NTRK2: variants seen among roughly 807,000 people sequenced by gnomAD.
The protein encoded by NTRK2 is neurotrophic receptor tyrosine kinase 2, also known as BDNF/NT-3 growth factors receptor.
In NTRK2, 13 loss-of-function variants were observed where a neutral mutation model predicts 94.5. The observed-to-expected ratio is 0.14, with a 90% confidence interval of 0.09 to 0.22. NTRK2 has a LOEUF of 0.22. Ranked by LOEUF, NTRK2 falls within the 10% of genes least tolerant of loss-of-function variation. The probability of loss-of-function intolerance (pLI) is 1.00; values close to 1 mark genes in which losing one functional copy is unlikely to be tolerated. For missense variants in NTRK2, 639 were observed against 1,071.2 expected (o/e 0.60, Z 5.63); for synonymous variants, 372 against 407.4 (o/e 0.91, Z 1.05).
intron 14 of NTRK2, among the ~76,000 whole-genome samples, chr9:84,881,131 T>C (rs148572089): frequency 6.6e-6 from 1 of 152,258 alleles, no homozygotes; most frequent in African/African-American, 2.4e-5. Context: ...ATTTGATGAG[T>C]CCTTTGCTTT....
chr9:84,831,917 G>A (rs2073572432), intron 12 of NTRK2, among the ~76,000 whole-genome samples: 2 of 152,176 alleles, frequency 1.3e-5, no homozygotes, highest in South Asian at 4.1e-4. Flanking sequence ...AGATATTTTA[G>A]CTCAGACGGA....
chr9:84,914,071 G>A (rs1161323889), intron 14 of NTRK2, among the ~76,000 whole-genome samples: 4 of 151,696 alleles, frequency 2.6e-5, no homozygotes, highest in African/African-American at 4.8e-5. Flanking sequence ...CTCTTTATTC[G>A]GTAGTTGAAC....
chr9:84,955,161 C>T, intron 16 of NTRK2, 122 bp from the exon 17 acceptor site: 1 of 787,826 alleles, frequency 1.3e-6, no homozygotes. Flanking sequence ...CATCTTTTAG[C>T]ACCAGCAGCT....
At chr9:84,730,736 G>A (rs1243896957) in intron 9 of NTRK2, among the ~76,000 whole-genome samples, 1 of 15,362 alleles carries the variant, frequency 6.5e-5, no homozygotes, top group Non-Finnish European at 1.1e-4. Context: ...GCGAGACTCC[G>A]TCTCAAAAAA....
chr9:85,011,329 C>T (rs1288580372), intron 17 of NTRK2, among the ~76,000 whole-genome samples: 1 of 152,080 alleles, frequency 6.6e-6, no homozygotes, highest in African/African-American at 2.4e-5. Context: ...CTGAACTGTG[C>T]CAGAATCAGA....
In NTRK2 at chr9:85,019,453, T is replaced by C. The variant is rs555075233; in HGVS notation, c.2173-753T>C. Among the ~76,000 whole-genome samples the C allele has an allele frequency of 5.9e-4, 90 of 152,348 alleles. 3 individuals carry two copies. In the South Asian group the frequency reaches 0.018, roughly 31 times the overall value. ...TTCCTCCATGAAGTAGGAAGTCATA[T>C]ACAATTTTACTTTGTCAAAGAAAGT... On this transcript the variant is annotated intron_variant, in intron 17 of 18. Coordinates refer to ENST00000277120, the MANE Select transcript of NTRK2 (RefSeq NM_006180.6).
At chr9:84,771,915 G>A (rs2066586784) in intron 12 of NTRK2, among the ~76,000 whole-genome samples, 1 of 152,210 alleles carries the variant, frequency 6.6e-6, no homozygotes, top group South Asian at 2.1e-4. Flanking sequence ...AATCTGAAAT[G>A]GTAAAGAGTA....
chr9:84,813,989 TACAA>T (rs2072101309), intron 12 of NTRK2: 3 of 1,065,130 alleles, frequency 2.8e-6, no homozygotes, highest in South Asian at 9.1e-5. Context: ...ACGACAAAAG[TACAA>T]ACAGTCTGAG....
chr9:84,862,700 C>A (rs2075390697), intron 13 of NTRK2, among the ~76,000 whole-genome samples: 2 of 152,208 alleles, frequency 1.3e-5, no homozygotes, highest in East Asian at 3.9e-4. Flanking sequence ...AAGGGGCACA[C>A]CATGGCATGC....
chr9:84,891,928 T>A (rs983894599), intron 14 of NTRK2, among the ~76,000 whole-genome samples: 1 of 150,758 alleles, frequency 6.6e-6, no homozygotes, highest in Non-Finnish European at 1.5e-5. Context: ...AACTGGTTTT[T>A]TTTTTTAAAG....
At chr9:84,921,680 G>A (rs891062322) in intron 14 of NTRK2, among the ~76,000 whole-genome samples, 1 of 152,162 alleles carries the variant, frequency 6.6e-6, no homozygotes, top group Non-Finnish European at 1.5e-5. Flanking sequence ...AAGATATAAG[G>A]ATGAAAGATA....
chr9:84,951,825 C>A (rs1011130669), intron 16 of NTRK2, among the ~76,000 whole-genome samples: 2 of 152,184 alleles, frequency 1.3e-5, no homozygotes, highest in South Asian at 2.1e-4. Flanking sequence ...GGGCACTTAG[C>A]TGCCATGAAA....
chr9:84,938,441 A>AGG (rs756461567), intron 15 of NTRK2, among the ~76,000 whole-genome samples: 148 of 152,332 alleles, frequency 9.7e-4, no homozygotes, highest in Middle Eastern at 6.8e-3. Context: ...CCTCTTGGGA[A>AGG]GGATGTGCCT....
intron 14 of NTRK2, among the ~76,000 whole-genome samples, chr9:84,895,257 A>G (rs1472431126): frequency 6.6e-6 from 1 of 152,220 alleles, no homozygotes; most frequent in African/African-American, 2.4e-5. Flanking sequence ...GAATCTGGAG[A>G]TGCTGCTTGG....
intron 9 of NTRK2, among the ~76,000 whole-genome samples, chr9:84,740,246 A>G (rs1255079427): frequency 6.6e-6 from 1 of 152,232 alleles, no homozygotes; most frequent in Non-Finnish European, 1.5e-5. Context: ...GAGGGCAGCC[A>G]CTGGGACTTC....
chr9:84,827,909 A>C (rs983053854), intron 12 of NTRK2, among the ~76,000 whole-genome samples: 1 of 152,170 alleles, frequency 6.6e-6, no homozygotes, highest in Non-Finnish European at 1.5e-5. Flanking sequence ...GGCTCTGAGC[A>C]TTGCCCATTT....
intron 13 of NTRK2, among the ~76,000 whole-genome samples, chr9:84,865,095 G>A (rs539795629): frequency 6.6e-6 from 1 of 152,132 alleles, no homozygotes; most frequent in South Asian, 2.1e-4. Flanking sequence ...GCCTGTCAGG[G>A]AGCAAGTAGC....
At chr9:84,677,061 G>T (rs1277134755) in intron 2 of NTRK2, among the ~76,000 whole-genome samples, 1 of 151,998 alleles carries the variant, frequency 6.6e-6, no homozygotes, top group South Asian at 2.1e-4. Context: ...TCATGAGTTG[G>T]CAGCAATGAG....
intron 17 of NTRK2, among the ~76,000 whole-genome samples, chr9:84,998,977 C>T (rs1458004875): frequency 6.6e-6 from 1 of 152,200 alleles, no homozygotes; most frequent in Non-Finnish European, 1.5e-5. Flanking sequence ...TCTTTTCTCT[C>T]AGCTAAAGAG....
Sources: allele counts gnomAD v4.1 joint callset (sites outside exome capture counted in the v4.1 genomes callset), GRCh38; gene constraint gnomAD v4.1.1; transcripts MANE v1.5; gene names NCBI Gene and HGNC (gene_info 2026-07-23, HGNC 2026-07-21).